MNAT1: variants seen among roughly 807,000 people sequenced by gnomAD.
The protein encoded by MNAT1 is MNAT1 component of CDK activating kinase.
In MNAT1, 43 loss-of-function variants were observed where a neutral mutation model predicts 42.0. That is an observed-to-expected ratio of 1.02 (90% CI 0.80 to 1.32). The LOEUF (loss-of-function observed/expected upper bound fraction) is 1.32. Ranked by LOEUF, MNAT1 falls within the 40% of genes most tolerant of loss-of-function variation. The pLI is 0.00. For synonymous variants in MNAT1, 118 were observed against 120.0 expected, an observed-to-expected ratio of 0.98 and a Z score of 0.11; for missense variants, 306 against 350.4, an observed-to-expected ratio of 0.87 and a Z score of 1.01.
intron 7 of MNAT1, among the ~76,000 whole-genome samples, chr14:60,926,204 A>G (rs1174665264): frequency 6.6e-6 from 1 of 152,138 alleles, no homozygotes; most frequent in African/African-American, 2.4e-5. Flanking sequence ...TGCGCTTCCT[A>G]CTCTCACACA....
At chr14:60,878,234 C>A (rs546115750) in intron 6 of MNAT1, among the ~76,000 whole-genome samples, 94 of 152,180 alleles carry the variant, frequency 6.2e-4, no homozygotes, top group African/African-American at 2.1e-3. Flanking sequence ...AATATAAGCT[C>A]CATCAGGAAC....
At chr14:60,819,035 T>A (rs996372729) in intron 6 of MNAT1, among the ~76,000 whole-genome samples, 188 bp downstream of exon 6, 1 of 152,106 alleles carries the variant, frequency 6.6e-6, no homozygotes, top group South Asian at 2.1e-4. Flanking sequence ...TTTCAGAGTA[T>A]ACAACACAAT....
intron 6 of MNAT1, among the ~76,000 whole-genome samples, chr14:60,848,846 A>G (rs1431282751): frequency 3.3e-5 from 5 of 152,188 alleles, no homozygotes; most frequent in African/African-American, 9.6e-5. Context: ...AGACTAGGTA[A>G]AAGATACCAT....
rs2030438297 is a variant in MNAT1, at chr14:60,758,147, A to G, written c.89+23196A>G. On this transcript the variant is annotated intron_variant, in intron 1 of 7. Transcript: ENST00000261245. ...TAACTGTCTCCTTAATAACTTCCAA[A>G]TTACAGATTTTATCCTATTCCCCTT... Among the ~76,000 whole-genome samples the G allele has an allele frequency of 2.0e-5, 3 of 151,962 alleles. No homozygotes were observed. The South Asian group carries it at 6.2e-4, about 32-fold the overall frequency.
intron 7 of MNAT1, among the ~76,000 whole-genome samples, chr14:60,892,046 A>G (rs906026017): frequency 3.3e-5 from 5 of 152,176 alleles, no homozygotes; most frequent in African/African-American, 1.2e-4. Flanking sequence ...AAATTTATTA[A>G]CACTTAAATT....
intron 6 of MNAT1, among the ~76,000 whole-genome samples, chr14:60,822,001 A>G (rs1001589867): frequency 6.6e-6 from 1 of 152,198 alleles, no homozygotes; most frequent in African/African-American, 2.4e-5. Context: ...CCATCACTCT[A>G]TCATATTTTT....
At chr14:60,848,820 T>G (rs1424363553) in intron 6 of MNAT1, among the ~76,000 whole-genome samples, 1 of 152,178 alleles carries the variant, frequency 6.6e-6, no homozygotes, top group Non-Finnish European at 1.5e-5. Context: ...TGATAAATAT[T>G]GAATGATAAT....
At position 60,869,023 on chromosome 14, in the gene MNAT1, C is replaced by CATATATATATATATATAT. The variant is rs1169429243; in HGVS notation, c.688-10690_688-10673dup. ...CTTTTTTATATTGTGTTATTTTATACATATATATATATATATATTTTTTTT... is the reference window on the plus strand; with the variant it reads ...CTTTTTTATATTGTGTTATTTTATACATATATATATATATATATATATATATATATATATATTTTTTTT... On this transcript the variant is annotated intron_variant, in intron 6 of 7. Transcript: ENST00000261245. Among the ~76,000 whole-genome samples the CATATATATATATATATAT allele has an allele frequency of 5.2e-3, 529 of 101,628 alleles. 16 individuals carry two copies. Among genetic ancestry groups the CATATATATATATATATAT allele is most frequent in the South Asian group, 7.8e-3 (23 of 2,958 alleles). 66.7% of individuals were successfully genotyped at this position (101,628 alleles called of 152,430 possible).
chr14:60,950,873 A>G (rs2036368747), intron 7 of MNAT1, among the ~76,000 whole-genome samples: 1 of 152,200 alleles, frequency 6.6e-6, no homozygotes. Flanking sequence ...AGTTTTAAAA[A>G]TTCTGTATTT....
chr14:60,929,159 A>AT (rs1162951800), intron 7 of MNAT1, among the ~76,000 whole-genome samples: 10 of 133,888 alleles, frequency 7.5e-5, no homozygotes, highest in African/African-American at 2.4e-4. Context: ...AAAAAAAAAA[A>AT]AAAAAAAAAA....
intron 7 of MNAT1, among the ~76,000 whole-genome samples, chr14:60,924,953 A>G (rs1014858730): frequency 1.3e-5 from 2 of 152,242 alleles, no homozygotes; most frequent in Non-Finnish European, 2.9e-5. Context: ...TTTTGTTTGC[A>G]CATGATTTTT....
intron 7 of MNAT1, among the ~76,000 whole-genome samples, chr14:60,939,437 G>A (rs116382075): frequency 0.033 from 4,988 of 152,106 alleles, 150 homozygotes; most frequent in African/African-American, 0.081. Context: ...TTGTCTCTCT[G>A]TTCTCGTTGG....
chr14:60,773,192 C>T (rs937013872), intron 1 of MNAT1, among the ~76,000 whole-genome samples: 2 of 152,160 alleles, frequency 1.3e-5, no homozygotes, highest in Non-Finnish European at 2.9e-5. Context: ...CCGCCTTTGC[C>T]TCCCAAAGTG....
intron 7 of MNAT1, among the ~76,000 whole-genome samples, chr14:60,912,266 T>C (rs2035388657): frequency 1.3e-5 from 2 of 152,154 alleles, no homozygotes; most frequent in Admixed American, 6.5e-5. Context: ...GGGTCTTGAC[T>C]CTTTATCCAG....
intron 1 of MNAT1, chr14:60,780,094 A>G (rs961638617): frequency 4.1e-6 from 6 of 1,456,396 alleles, no homozygotes; most frequent in Non-Finnish European, 5.8e-6. Context: ...GCATTTATCC[A>G]TCTGAAATCT....
At chr14:60,735,973 T>C (rs1896294626) in intron 1 of MNAT1, among the ~76,000 whole-genome samples, 1 of 152,236 alleles carries the variant, frequency 6.6e-6, no homozygotes, top group African/African-American at 2.4e-5. Flanking sequence ...GACAAAAATG[T>C]AGAGCAATGA....
intron 3 of MNAT1, among the ~76,000 whole-genome samples, chr14:60,803,719 T>C (rs1194425088): frequency 6.6e-6 from 1 of 152,132 alleles, no homozygotes; most frequent in Non-Finnish European, 1.5e-5. Flanking sequence ...ACTAGAATTA[T>C]TAGGGTGCCT....
chr14:60,801,895 T>A (rs530156105), intron 3 of MNAT1, among the ~76,000 whole-genome samples: 1 of 152,266 alleles, frequency 6.6e-6, no homozygotes, highest in East Asian at 1.9e-4. Flanking sequence ...ATTGGATGAA[T>A]AGATAAAGAA....
intron 6 of MNAT1, among the ~76,000 whole-genome samples, chr14:60,833,619 G>T (rs1408750190): frequency 1.3e-5 from 2 of 152,108 alleles, no homozygotes; most frequent in Non-Finnish European, 2.9e-5. Flanking sequence ...TGTTCATTGG[G>T]GATATTGGCC....
Sources: allele counts gnomAD v4.1 joint callset (sites outside exome capture counted in the v4.1 genomes callset), GRCh38; gene constraint gnomAD v4.1.1; transcripts MANE v1.5; gene names NCBI Gene and HGNC (gene_info 2026-07-23, HGNC 2026-07-21).